The following YTHDC2 variants were observed in gnomAD, a reference collection of about 807,000 sequenced individuals.
YTHDC2 encodes YTH N6-methyladenosine RNA binding protein C2.
In YTHDC2, 45 loss-of-function variants were observed where a neutral mutation model predicts 174.9. The ratio of observed to expected loss-of-function variants is 0.26; its 90% confidence interval spans 0.20 to 0.33. The LOEUF (loss-of-function observed/expected upper bound fraction) is 0.33. Among genes scored for constraint, YTHDC2 ranks in the 10% least tolerant of loss-of-function variants. YTHDC2 has a pLI of 1.00. For missense variants in YTHDC2, 1,650 were observed against 1,723.7 expected (o/e 0.96, Z 0.76); for synonymous variants, 657 against 574.5 (o/e 1.14, Z -2.05).
Position 113,561,142 on chromosome 5 carries a change from T to C in YTHDC2, c.2279T>C (p.Met760Thr), listed in dbSNP as rs1776936669. The C allele has an allele frequency of 1.9e-6, 3 of 1,613,278 alleles. No individual in the cohort carries two copies. Among genetic ancestry groups the C allele is most frequent in the Non-Finnish European group, 2.5e-6 (3 of 1,179,508 alleles). ...RLFSRLRFQN[M>T]LEFQTPELLR... ...TTCAGTAGACTCCGATTCCAGAATA[T>C]GTTGGAATTTCAGACTCCGGAACTT... Residue 760 changes from methionine to threonine, a missense_variant, in exon 18 of 30, where the codon ATG becomes ACG. Met to Thr is a moderately conservative substitution (Grantham distance 81). Coordinates refer to ENST00000161863, the MANE Select transcript of YTHDC2 (RefSeq NM_022828.5).
intron 2 of YTHDC2, among the ~76,000 whole-genome samples, chr5:113,515,765 A>G (rs533018792): frequency 1.3e-5 from 2 of 152,364 alleles, no homozygotes; most frequent in South Asian, 2.1e-4. Flanking sequence ...ATAAAGAACA[A>G]TGAATTTATT....
intron 5 of YTHDC2, among the ~76,000 whole-genome samples, 186 bp from the exon 6 acceptor site, chr5:113,534,119 A>C (rs1774884658): frequency 6.6e-6 from 1 of 152,170 alleles, no homozygotes; most frequent in African/African-American, 2.4e-5. Flanking sequence ...ATTTAATATA[A>C]AAGGCTATTG....
At chr5:113,544,755 T>A (rs763412153) in intron 10 of YTHDC2, among the ~76,000 whole-genome samples, 6 of 151,954 alleles carry the variant, frequency 3.9e-5, no homozygotes, top group Non-Finnish European at 8.8e-5. Context: ...TAACATGATA[T>A]CTGGTCCCCT....
chr5:113,543,920 C>G (rs1775657741), intron 10 of YTHDC2, among the ~76,000 whole-genome samples: 1 of 152,194 alleles, frequency 6.6e-6, no homozygotes, highest in African/African-American at 2.4e-5. Context: ...TCTTTTCTGA[C>G]CACCTTACTA....
chr5:113,561,242 A>G, intron 18 of YTHDC2, 57 bp downstream of exon 18: 3 of 1,363,818 alleles, frequency 2.2e-6, no homozygotes, highest in Non-Finnish European at 3.1e-6. Context: ...GTGAGGGGCC[A>G]TTTCAACTTC....
chr5:113,581,321 T>C, intron 24 of YTHDC2, 96 bp from the exon 25 acceptor site: 2 of 1,146,420 alleles, frequency 1.7e-6, no homozygotes, highest in Non-Finnish European at 2.3e-6. Flanking sequence ...GAAATAAGTT[T>C]GTTGGAAACA....
Position 113,514,147 on chromosome 5 carries a change from A to T in YTHDC2, c.187+65A>T, listed in dbSNP as rs1213057496. ...CCCCCCTCACCCCAGCGCCCCCCAAACGGCGGCCCACCGAGTGATGGGGGT... is the reference window on the plus strand; with the variant it reads ...CCCCCCTCACCCCAGCGCCCCCCAATCGGCGGCCCACCGAGTGATGGGGGT... On this transcript the variant is annotated intron_variant, in intron 1 of 29. Coordinates refer to ENST00000161863, the MANE Select transcript of YTHDC2 (RefSeq NM_022828.5). 13 of 1,530,282 alleles carry T rather than the reference A, an allele frequency of 8.5e-6. No individual in the cohort carries two copies. The Admixed American group carries it at 2.4e-4, about 28-fold the overall frequency. The allele number at this position is 1,530,282 out of a possible 1,614,324, so 94.8% of individuals were successfully genotyped here.
In YTHDC2 at chr5:113,538,966, A is replaced by G. The variant is rs547423850; in HGVS notation, c.1103-108A>G. 2.0e-5 allele frequency: 11 copies of G among 554,804 alleles called. No individual in the cohort carries two copies. The East Asian group carries it at 3.0e-4, about 15-fold the overall frequency. 34.4% of individuals were successfully genotyped at this position (554,804 alleles called of 1,614,324 possible). On this transcript the variant is annotated intron_variant, in intron 7 of 29. Coordinates refer to ENST00000161863, the MANE Select transcript of YTHDC2 (RefSeq NM_022828.5). ...TTATAAGAGTCACTTGAACTATGAAATTGCTTTTGGATATTATACTGAGAT... is the reference window on the plus strand; with the variant it reads ...TTATAAGAGTCACTTGAACTATGAAGTTGCTTTTGGATATTATACTGAGAT...
chr5:113,514,516 A>T (rs1000100343), intron 1 of YTHDC2, among the ~76,000 whole-genome samples: 1 of 152,224 alleles, frequency 6.6e-6, no homozygotes, highest in African/African-American at 2.4e-5. Context: ...CTGAAGCATC[A>T]CGCTACCCAC....
chr5:113,573,845 G>A (rs188535839), intron 23 of YTHDC2, among the ~76,000 whole-genome samples: 1 of 152,162 alleles, frequency 6.6e-6, no homozygotes, highest in East Asian at 1.9e-4. Flanking sequence ...TCTCTAAACT[G>A]GCTATTAGCT....
intron 3 of YTHDC2, among the ~76,000 whole-genome samples, chr5:113,525,612 A>G (rs1192195683): frequency 2.6e-5 from 4 of 152,086 alleles, no homozygotes; most frequent in South Asian, 2.1e-4. Context: ...AGACTTTCCT[A>G]TATTATGCTG....
chr5:113,584,235 T>C (rs778751227), intron 25 of YTHDC2, 67 bp from the exon 26 acceptor site: 20 of 1,379,996 alleles, frequency 1.4e-5, no homozygotes, highest in Middle Eastern at 1.9e-4. Context: ...TATAAACTTA[T>C]ACATAACTGA....
At chr5:113,577,797 C>G (rs1180006310) in intron 23 of YTHDC2, among the ~76,000 whole-genome samples, 3 of 151,984 alleles carry the variant, frequency 2.0e-5, no homozygotes, top group Non-Finnish European at 2.9e-5. Context: ...GGGGATATTT[C>G]CTAAGGTGAT....
At chr5:113,528,277 CTT>C (rs1158558150) in intron 4 of YTHDC2, among the ~76,000 whole-genome samples, 1 of 151,970 alleles carries the variant, frequency 6.6e-6, no homozygotes, top group Non-Finnish European at 1.5e-5. Context: ...ATATTATACT[CTT>C]TGCTTTTTAA....
chr5:113,560,419 A>T (rs1478576235), intron 17 of YTHDC2, among the ~76,000 whole-genome samples: 1 of 152,164 alleles, frequency 6.6e-6, no homozygotes, highest in Non-Finnish European at 1.5e-5. Flanking sequence ...GTATTTGATG[A>T]AGGAAAGAGT....
At chr5:113,579,999 T>A in intron 24 of YTHDC2, 1 of 936,988 alleles carries the variant, frequency 1.1e-6, no homozygotes, top group Non-Finnish European at 1.3e-6. Context: ...GGATCTTAAG[T>A]CTGAGATCAA....
chr5:113,551,338 C>A (rs59149164), intron 12 of YTHDC2, among the ~76,000 whole-genome samples: 5,023 of 151,666 alleles, frequency 0.033, 269 homozygotes, highest in African/African-American at 0.11. Flanking sequence ...ATTATCCTGG[C>A]TAACTGGGCT....
intron 4 of YTHDC2, among the ~76,000 whole-genome samples, chr5:113,530,074 C>A (rs1282768961): frequency 6.6e-6 from 1 of 152,100 alleles, no homozygotes; most frequent in Non-Finnish European, 1.5e-5. Context: ...GTAGCTGGAA[C>A]TATAGGTGCA....
chr5:113,588,403 G>A (rs1460542482), intron 26 of YTHDC2, among the ~76,000 whole-genome samples: 3 of 151,706 alleles, frequency 2.0e-5, no homozygotes, highest in Non-Finnish European at 4.4e-5. Context: ...GTTAAATGAG[G>A]GATCTTTGTT....
Sources: allele counts gnomAD v4.1 joint callset (sites outside exome capture counted in the v4.1 genomes callset), GRCh38; gene constraint gnomAD v4.1.1; transcripts MANE v1.5; gene names NCBI Gene and HGNC (gene_info 2026-07-23, HGNC 2026-07-21).